The following TBC1D14 variants were observed in gnomAD, a reference collection of about 807,000 sequenced individuals.
TBC1D14 encodes the protein TBC1 domain family member 14, also known as TBC1 domain family, member 14.
A neutral mutation model predicts 79.0 loss-of-function variants in TBC1D14; 26 were observed. The ratio of observed to expected loss-of-function variants is 0.33; its 90% CI spans 0.24 to 0.46. The LOEUF (loss-of-function observed/expected upper bound fraction) is 0.46. TBC1D14 is among the 20% of genes least tolerant of loss of function. The pLI is 1.00. For missense variants in TBC1D14, 769 were observed against 887.6 expected (o/e 0.87, Z 1.70); for synonymous variants, 394 against 349.9 (o/e 1.13, Z -1.40).
intron 1 of TBC1D14, among the ~76,000 whole-genome samples, chr4:6,912,635 C>G (rs1723097721): frequency 6.6e-6 from 1 of 152,164 alleles, no homozygotes; most frequent in Non-Finnish European, 1.5e-5. Context: ...TGTGTCTGGC[C>G]TTGCTTATGC....
At chr4:6,988,701 C>T (rs1474279367) in intron 3 of TBC1D14, among the ~76,000 whole-genome samples, 3 of 152,144 alleles carry the variant, frequency 2.0e-5, no homozygotes, top group African/African-American at 7.2e-5. Context: ...TGACCCTTTC[C>T]TCTTCTAGGT....
chr4:6,914,502 A>T lies in TBC1D14; in HGVS notation c.-18+4551A>T, dbSNP rs148146747. Among the ~76,000 whole-genome samples, 849 of 152,328 alleles carry T rather than the reference A, an allele frequency of 5.6e-3. 8 individuals carry two copies. The Middle Eastern group carries it at 0.058, about 10-fold the overall frequency. On this transcript the variant is annotated intron_variant, in intron 1 of 13. Coordinates refer to ENST00000409757, the MANE Select transcript of TBC1D14 (RefSeq NM_020773.3). ...TTTTAGGCTGTGTGTGTAGCAGTGG[A>T]AACAGTGAGTGCCTCGGCTACTCAG...
Position 6,923,713 on chromosome 4 carries a change from A to C in TBC1D14, c.324A>C (p.Pro108=). ...ERAFQSACAL[P]SCAPPAPSST... Reference sequence around the variant, plus strand: ...CCTTCCAGAGCGCCTGCGCGCTGCCATCCTGTGCGCCACCAGCTCCTAGCA... The same window carrying C: ...CCTTCCAGAGCGCCTGCGCGCTGCCCTCCTGTGCGCCACCAGCTCCTAGCA... Residue 108 remains proline, a synonymous_variant, in exon 2 of 14, where the codon CCA becomes CCC. Transcript: ENST00000409757. 6.2e-7 allele frequency: 1 copy of C among 1,613,872 alleles called. No homozygotes were observed.
At chr4:6,943,898 A>G (rs931060579) in intron 2 of TBC1D14, among the ~76,000 whole-genome samples, 7 of 152,202 alleles carry the variant, frequency 4.6e-5, no homozygotes, top group Non-Finnish European at 7.3e-5. Context: ...TTTAAATTCT[A>G]TGATTGTTCT....
intron 3 of TBC1D14, among the ~76,000 whole-genome samples, chr4:6,974,823 T>TA (rs35475100): frequency 0.11 from 16,752 of 148,924 alleles, 1,177 homozygotes; most frequent in Middle Eastern, 0.18. Context: ...GAATCATCTT[T>TA]AAAAAAAAAA....
chr4:7,022,870 G>A (rs917679273), intron 12 of TBC1D14, among the ~76,000 whole-genome samples: 1 of 151,950 alleles, frequency 6.6e-6, no homozygotes. Flanking sequence ...TTGGGCTTGG[G>A]GGGGTACATT....
rs541007973 is a variant in TBC1D14 at position 7,031,817 on chromosome 4, C to G, written c.*1425C>G. 6.6e-6 allele frequency: 1 copy of G among 152,534 alleles called. No homozygotes were observed. The highest frequency in any genetic ancestry group is 2.4e-5 in the African/African-American group (1 of 41,580). 9.4% of individuals were successfully genotyped at this position (152,534 alleles called of 1,614,324 possible). ...CCCCAGGGGGTGCCCCCAGGCTGATCTCATTTCTGATGTTGAGGGCTGTTT... is the reference window on the plus strand; with the variant it reads ...CCCCAGGGGGTGCCCCCAGGCTGATGTCATTTCTGATGTTGAGGGCTGTTT... On this transcript the variant is annotated 3_prime_UTR_variant, in exon 14 of 14. Coordinates refer to ENST00000409757, the MANE Select transcript of TBC1D14 (RefSeq NM_020773.3).
intron 2 of TBC1D14, among the ~76,000 whole-genome samples, chr4:6,948,235 G>A (rs1290310690): frequency 6.6e-6 from 1 of 152,174 alleles, no homozygotes; most frequent in Non-Finnish European, 1.5e-5. Flanking sequence ...ACCCCCAGAA[G>A]TCTCCTTTGG....
At chr4:6,950,925 C>T (rs562010594) in intron 2 of TBC1D14, among the ~76,000 whole-genome samples, 40 of 152,266 alleles carry the variant, frequency 2.6e-4, no homozygotes, top group African/African-American at 7.9e-4. Context: ...GAGAGTTCTA[C>T]TTTCTGTTTT....
At chr4:6,912,930 C>T (rs368708299) in intron 1 of TBC1D14, among the ~76,000 whole-genome samples, 5 of 152,340 alleles carry the variant, frequency 3.3e-5, no homozygotes, top group African/African-American at 1.2e-4. Context: ...CAGCCTGCTG[C>T]TGGAACCTGC....
chr4:6,987,203 C>A, intron 3 of TBC1D14: 2 of 1,231,608 alleles, frequency 1.6e-6, no homozygotes. Context: ...GATTGAGCGG[C>A]CTGCCGCCCC....
chr4:7,005,251 T>C (rs1720062988), intron 8 of TBC1D14, among the ~76,000 whole-genome samples: 2 of 151,824 alleles, frequency 1.3e-5, no homozygotes, highest in Admixed American at 1.3e-4. Context: ...AATACAAAAA[T>C]TAGGCTGGGT....
In TBC1D14 at chr4:6,972,397, C is replaced by T. The variant is rs766478843; in HGVS notation, c.843+4973C>T. On this transcript the variant is annotated intron_variant, in intron 3 of 13. Transcript: ENST00000409757. The stretch of plus-strand genomic sequence containing the variant: ...AATGCAAGCGTCTGTTCTCAGCCCT[C>T]GTCTTCCTTGGCCATCAGCAGCATT... Among the ~76,000 whole-genome samples, 8 of 152,318 alleles carry T rather than the reference C, an allele frequency of 5.3e-5. No homozygotes were observed. In the South Asian group the frequency reaches 8.3e-4, roughly 16 times the overall value.
chr4:6,979,944 C>T (rs555110209), intron 3 of TBC1D14, among the ~76,000 whole-genome samples: 8 of 152,226 alleles, frequency 5.3e-5, no homozygotes, highest in African/African-American at 1.9e-4. Flanking sequence ...CAAATGGACA[C>T]GTCCACATTT....
intron 13 of TBC1D14, among the ~76,000 whole-genome samples, chr4:7,027,860 A>T (rs1398936053): frequency 1.4e-5 from 2 of 141,354 alleles, no homozygotes; most frequent in Non-Finnish European, 3.1e-5. Context: ...ACACACACAG[A>T]TCACCCCCAT....
intron 3 of TBC1D14, 26 bp from the exon 4 acceptor site, chr4:6,994,158 A>G: frequency 5.1e-6 from 8 of 1,569,734 alleles, no homozygotes; most frequent in East Asian, 2.2e-5. Flanking sequence ...AAGGACCTGG[A>G]GTCATCCCTG....
intron 2 of TBC1D14, among the ~76,000 whole-genome samples, chr4:6,925,098 G>A (rs1724182802): frequency 1.3e-5 from 2 of 152,282 alleles, no homozygotes; most frequent in Middle Eastern, 3.4e-3. Flanking sequence ...TTCGAGACCA[G>A]TCTGGCCAAC....
At chr4:6,947,706 C>T (rs1244548818) in intron 2 of TBC1D14, among the ~76,000 whole-genome samples, 1 of 151,688 alleles carries the variant, frequency 6.6e-6, no homozygotes, top group Admixed American at 6.6e-5. Flanking sequence ...AGAGTGGATC[C>T]CTGTTTACTT....
At chr4:7,028,644 C>T (rs1362273242) in intron 13 of TBC1D14, among the ~76,000 whole-genome samples, 2 of 152,112 alleles carry the variant, frequency 1.3e-5, no homozygotes, top group Non-Finnish European at 2.9e-5. Context: ...CCAGGCTGGT[C>T]TCAAATTCCT....
Sources: allele counts gnomAD v4.1 joint callset (sites outside exome capture counted in the v4.1 genomes callset), GRCh38; gene constraint gnomAD v4.1.1; transcripts MANE v1.5; gene names NCBI Gene and HGNC (gene_info 2026-07-23, HGNC 2026-07-21).